The following KIF6 variants were observed in gnomAD, a reference collection of about 807,000 sequenced individuals.
KIF6 encodes the protein kinesin family member 6.
Under a neutral mutation model 112.7 loss-of-function variants are expected in KIF6, and 106 were observed. That is an observed-to-expected ratio of 0.94 (90% CI 0.80 to 1.11). The LOEUF (loss-of-function observed/expected upper bound fraction) is 1.11, where lower values mean the gene tolerates loss of function less well. Among genes scored for constraint, KIF6 ranks in the 50% least tolerant of loss-of-function variants. The probability of loss-of-function intolerance (pLI) is 0.00; values close to 1 mark genes in which losing one functional copy is unlikely to be tolerated. For missense variants in KIF6, 929 were observed against 964.0 expected, an observed-to-expected ratio of 0.96 and a Z score of 0.48; for synonymous variants, 339 against 339.9, an observed-to-expected ratio of 1.00 and a Z score of 0.03.
At chr6:39,668,398 A>G (rs938240762) in intron 3 of KIF6, among the ~76,000 whole-genome samples, 2 of 152,208 alleles carry the variant, frequency 1.3e-5, no homozygotes, top group Non-Finnish European at 2.9e-5. Flanking sequence ...ACTCAATTCA[A>G]CAAAAAGTAC....
chr6:39,396,487 A>C (rs1278117068), intron 15 of KIF6, among the ~76,000 whole-genome samples: 1 of 152,144 alleles, frequency 6.6e-6, no homozygotes, highest in Non-Finnish European at 1.5e-5. Context: ...TTCAGAGACA[A>C]CTGAACAGCA....
intron 21 of KIF6, among the ~76,000 whole-genome samples, chr6:39,344,774 C>T (rs928034066): frequency 2.0e-5 from 3 of 152,334 alleles, no homozygotes; most frequent in Middle Eastern, 3.4e-3. Flanking sequence ...CCCCACGTGG[C>T]TTAGCTAGTT....
chr6:39,546,481 T>C (rs973235928), intron 10 of KIF6, among the ~76,000 whole-genome samples: 1 of 152,144 alleles, frequency 6.6e-6, no homozygotes, highest in African/African-American at 2.4e-5. Context: ...CAAAATGAAA[T>C]AGAAAACAAA....
intron 13 of KIF6, among the ~76,000 whole-genome samples, chr6:39,440,170 C>T (rs1771828875): frequency 6.6e-6 from 1 of 151,872 alleles, no homozygotes; most frequent in Admixed American, 6.6e-5. Flanking sequence ...GTTTGGAACA[C>T]ACTGTTTGGG....
intron 14 of KIF6, among the ~76,000 whole-genome samples, chr6:39,423,170 G>A (rs549468403): frequency 6.6e-6 from 1 of 152,304 alleles, no homozygotes; most frequent in Admixed American, 6.5e-5. Context: ...ACAAAATCCT[G>A]TGCAGGGGCA....
chr6:39,602,495 G>A (rs541591515), intron 6 of KIF6, among the ~76,000 whole-genome samples: 65 of 152,140 alleles, frequency 4.3e-4, no homozygotes, highest in African/African-American at 1.1e-3. Flanking sequence ...TGTCTTATGC[G>A]TCATTGCCTA....
rs1367764098 is a variant in KIF6, at chr6:39,457,791, G to A, written c.1646-26630C>T. The stretch of plus-strand genomic sequence containing the variant: ...TCTAGAAGAAATGGGTACAATCCTC[G>A]ACACATACACTCTCCCAAGACTAAA... On this transcript the variant is annotated intron_variant, in intron 13 of 22. Transcript: ENST00000287152. Among the ~76,000 whole-genome samples, 9 of 151,856 alleles carry A rather than the reference G, an allele frequency of 5.9e-5. No individual in the cohort carries two copies. In the South Asian group the frequency reaches 6.3e-4, roughly 11 times the overall value.
At chr6:39,715,431 C>T (rs1367025265) in intron 2 of KIF6, among the ~76,000 whole-genome samples, 3 of 151,618 alleles carry the variant, frequency 2.0e-5, no homozygotes, top group Non-Finnish European at 4.4e-5. Flanking sequence ...ACTCTTCTTG[C>T]AATGCTTCTC....
intron 13 of KIF6, among the ~76,000 whole-genome samples, chr6:39,478,139 C>T (rs1396679651): frequency 3.3e-5 from 5 of 152,074 alleles, no homozygotes; most frequent in Non-Finnish European, 7.4e-5. Context: ...TTGGCACACC[C>T]ATCACCCTAG....
At chr6:39,350,695 C>T (rs535551273) in intron 19 of KIF6, among the ~76,000 whole-genome samples, 19 of 152,284 alleles carry the variant, frequency 1.2e-4, no homozygotes, top group African/African-American at 3.6e-4. Flanking sequence ...CCTGGCTTAC[C>T]GTGGCAGAGT....
intron 16 of KIF6, among the ~76,000 whole-genome samples, chr6:39,379,543 C>T (rs1444151791): frequency 3.9e-5 from 6 of 152,088 alleles, no homozygotes; most frequent in African/African-American, 1.2e-4. Flanking sequence ...TTAACAGAGA[C>T]CCATGAGGCG....
At chr6:39,341,956 T>C (rs1328339544) in intron 22 of KIF6, among the ~76,000 whole-genome samples, 1 of 152,248 alleles carries the variant, frequency 6.6e-6, no homozygotes, top group Non-Finnish European at 1.5e-5. Flanking sequence ...AAAGCATCAA[T>C]CACATCATAT....
intron 19 of KIF6, chr6:39,354,053 T>G (rs1381261065): frequency 3.3e-6 from 1 of 307,484 alleles, no homozygotes; most frequent in African/African-American, 2.2e-5. Context: ...TACATAAGGC[T>G]CCTGAGAACG....
chr6:39,392,041 A>G (rs887232615), intron 15 of KIF6, among the ~76,000 whole-genome samples: 2 of 152,158 alleles, frequency 1.3e-5, no homozygotes, highest in African/African-American at 4.8e-5. Context: ...TTCTTCCAAC[A>G]GGCAACCATT....
rs372253873 is a variant in KIF6, at chr6:39,381,188, T to C, written c.1861+4434A>G. ...CAGAGACATATTCTTATGCAAAACA[T>C]ATAAGAAAAACTCTCCTGATCCAAC... is the stretch of plus-strand genomic sequence containing the variant. On this transcript the variant is annotated intron_variant, in intron 16 of 22. Transcript: ENST00000287152. Among the ~76,000 whole-genome samples, 11 of 152,218 alleles carry C rather than the reference T, an allele frequency of 7.2e-5. No homozygotes were observed. The South Asian group carries it at 8.3e-4, about 11-fold the overall frequency.
At chr6:39,541,499 C>T (rs1437552690) in intron 12 of KIF6, among the ~76,000 whole-genome samples, 1 of 152,232 alleles carries the variant, frequency 6.6e-6, no homozygotes, top group Admixed American at 6.5e-5. Flanking sequence ...TGGCAATATC[C>T]ATCGACTCCA....
chr6:39,335,468 T>C lies in KIF6; in HGVS notation c.*1064A>G, dbSNP rs1366502915. The C allele has an allele frequency of 6.6e-6, 1 of 152,166 alleles. No homozygotes were observed. Among genetic ancestry groups the C allele is most frequent in the Non-Finnish European group, 1.5e-5 (1 of 68,060 alleles). The allele number at this position is 152,166 out of a possible 1,614,324, so 9.4% of individuals were successfully genotyped here. A position where few individuals can be genotyped will look rare whatever the true frequency, so the allele number is the denominator to read the frequency against. ...AGAAAATCAAGCCAATTATACTATA[T>C]TACCACTCTGCTCCCCTCCAGGGTC... On this transcript the variant is annotated 3_prime_UTR_variant, in exon 23 of 23. Coordinates refer to ENST00000287152, the MANE Select transcript of KIF6 (RefSeq NM_145027.6).
chr6:39,540,518 C>G (rs191059313), intron 12 of KIF6, among the ~76,000 whole-genome samples: 1 of 152,204 alleles, frequency 6.6e-6, no homozygotes, highest in East Asian at 1.9e-4. Flanking sequence ...CAAATGAAGG[C>G]TGAATAGTAG....
At chr6:39,421,472 C>T (rs1217053722) in intron 14 of KIF6, among the ~76,000 whole-genome samples, 1 of 152,188 alleles carries the variant, frequency 6.6e-6, no homozygotes, top group Non-Finnish European at 1.5e-5. Flanking sequence ...CATCCTTGAA[C>T]ACTTTAGTTG....
Sources: allele counts gnomAD v4.1 joint callset (sites outside exome capture counted in the v4.1 genomes callset), GRCh38; gene constraint gnomAD v4.1.1; transcripts MANE v1.5; gene names NCBI Gene and HGNC (gene_info 2026-07-23, HGNC 2026-07-21).